The following NFIA variants were observed in gnomAD, a reference collection of about 807,000 sequenced individuals.
The protein encoded by NFIA is nuclear factor I A, also known as nuclear factor 1 A-type.
A neutral mutation model predicts 62.8 loss-of-function variants in NFIA; 8 were observed. The ratio of observed to expected loss-of-function variants is 0.13; its 90% CI spans 0.07 to 0.23. The LOEUF is 0.23. NFIA is among the 10% of genes least tolerant of loss of function. The pLI, the probability that NFIA is intolerant of heterozygous loss-of-function variation, is 1.00. For missense variants in NFIA, 410 were observed against 642.1 expected (o/e 0.64, Z 3.91); for synonymous variants, 235 against 238.1 (o/e 0.99, Z 0.12).
At chr1:61,432,690 T>C (rs2100562850) in intron 10 of NFIA, among the ~76,000 whole-genome samples, 1 of 151,442 alleles carries the variant, frequency 6.6e-6, no homozygotes, top group East Asian at 1.9e-4. Flanking sequence ...CATGTATATA[T>C]CCCACCCTGC....
At chr1:61,274,234 G>A (rs148755966) in intron 2 of NFIA, among the ~76,000 whole-genome samples, 2 of 152,202 alleles carry the variant, frequency 1.3e-5, no homozygotes, top group East Asian at 3.9e-4. Flanking sequence ...TCTTAACCTA[G>A]CCTCCCATAT....
intron 3 of NFIA, among the ~76,000 whole-genome samples, chr1:61,312,015 G>A (rs2100351064): frequency 6.6e-6 from 1 of 152,290 alleles, no homozygotes; most frequent in South Asian, 2.1e-4. Flanking sequence ...CTCTCCCGTG[G>A]CCTTTACTGG....
intron 5 of NFIA, among the ~76,000 whole-genome samples, chr1:61,353,833 A>G (rs1055124086): frequency 6.6e-6 from 1 of 152,166 alleles, no homozygotes; most frequent in Non-Finnish European, 1.5e-5. Flanking sequence ...TCAGGGGGAC[A>G]AAAAAGTCAC....
intron 2 of NFIA, among the ~76,000 whole-genome samples, chr1:61,144,770 C>T (rs1436302176): frequency 6.6e-6 from 1 of 152,188 alleles, no homozygotes; most frequent in Admixed American, 6.5e-5. Context: ...GCACAGGGTA[C>T]ATGCTCAGAG....
chr1:61,122,990 A>C (rs1228347717), intron 2 of NFIA, among the ~76,000 whole-genome samples: 1 of 152,170 alleles, frequency 6.6e-6, no homozygotes, highest in Non-Finnish European at 1.5e-5. Context: ...GGAGAGTTCT[A>C]CTTTTGGATT....
chr1:61,085,775 A>C (rs1646208538), intron 1 of NFIA, among the ~76,000 whole-genome samples: 1 of 152,166 alleles, frequency 6.6e-6, no homozygotes, highest in East Asian at 1.9e-4. Flanking sequence ...TTGGGGAGTA[A>C]TACATTGTAA....
intron 2 of NFIA, among the ~76,000 whole-genome samples, chr1:61,153,715 A>T (rs551658059): frequency 1.3e-5 from 2 of 152,206 alleles, no homozygotes; most frequent in South Asian, 4.1e-4. Context: ...CTTATTAGAC[A>T]TGTGATAGAC....
intron 7 of NFIA, among the ~76,000 whole-genome samples, chr1:61,393,607 T>A (rs1253667300): frequency 6.6e-6 from 1 of 152,078 alleles, no homozygotes; most frequent in Non-Finnish European, 1.5e-5. Flanking sequence ...CTCATTGGTG[T>A]GACCCGGCTT....
At chr1:61,327,213 T>C (rs1323081604) in intron 3 of NFIA, among the ~76,000 whole-genome samples, 1 of 150,896 alleles carries the variant, frequency 6.6e-6, no homozygotes, top group Non-Finnish European at 1.5e-5. Flanking sequence ...TAAGAAGTTC[T>C]GTCAAAGTTT....
intron 7 of NFIA, among the ~76,000 whole-genome samples, chr1:61,391,483 CACACAG>C (rs1453308993): frequency 7.0e-6 from 1 of 143,096 alleles, no homozygotes; most frequent in Non-Finnish European, 1.5e-5. Context: ...CACACACACA[CACACAG>C]GCAGTTTAGA....
intron 3 of NFIA, among the ~76,000 whole-genome samples, chr1:61,305,378 G>A (rs183812310): frequency 6.3e-4 from 96 of 152,266 alleles, no homozygotes; most frequent in Non-Finnish European, 1.2e-3. Context: ...CAGAACCTCC[G>A]TTAAACACAA....
At chr1:61,346,882 C>T (rs1662256097) in intron 4 of NFIA, among the ~76,000 whole-genome samples, 1 of 152,178 alleles carries the variant, frequency 6.6e-6, no homozygotes, top group African/African-American at 2.4e-5. Context: ...CACCTCTTCA[C>T]AGGGCAGCAG....
rs777375238 is a variant in NFIA at position 61,082,809 on chromosome 1, T to C, written c.18T>C (p.Cys6=). Residue 6 remains cysteine (C), a synonymous_variant, in exon 1 of 11, where the codon TGT becomes TGC. Transcript: ENST00000403491. MYSPL[C]LTQDEFHPFI... is the part of the protein sequence containing the mutation. ...CGGCAGTTATGTATTCTCCGCTCTG[T>C]CTCACCCAGGTAAGCCGCGGCGTGG... 10 of 1,548,074 alleles carry C rather than the reference T, an allele frequency of 6.5e-6. No homozygotes were observed. The Admixed American group carries it at 2.0e-4, about 30-fold the overall frequency.
intron 10 of NFIA, among the ~76,000 whole-genome samples, chr1:61,430,352 A>G (rs1246731625): frequency 6.6e-6 from 1 of 152,218 alleles, no homozygotes; most frequent in African/African-American, 2.4e-5. Flanking sequence ...TTAATTGTGG[A>G]AAATACAGTT....
At chr1:61,320,230 T>C (rs1660610239) in intron 3 of NFIA, among the ~76,000 whole-genome samples, 1 of 152,154 alleles carries the variant, frequency 6.6e-6, no homozygotes, top group East Asian at 1.9e-4. Context: ...TTCATTCTGT[T>C]ACATTTCACA....
intron 4 of NFIA, among the ~76,000 whole-genome samples, chr1:61,341,255 G>A (rs1327162143): frequency 6.6e-6 from 1 of 151,820 alleles, no homozygotes; most frequent in African/African-American, 2.4e-5. Context: ...AGTAGAGACG[G>A]GGTTTCACCG....
chr1:61,366,409 A>G (rs1336056239), intron 6 of NFIA, among the ~76,000 whole-genome samples: 1 of 152,224 alleles, frequency 6.6e-6, no homozygotes, highest in Non-Finnish European at 1.5e-5. Context: ...CTCCTGTAGA[A>G]AAACATTCAA....
chr1:61,414,106 C>T (rs1172658875), intron 9 of NFIA, among the ~76,000 whole-genome samples: 2 of 152,224 alleles, frequency 1.3e-5, no homozygotes, highest in Non-Finnish European at 2.9e-5. Flanking sequence ...CCTCAGCCTC[C>T]TGAGTAGCTG....
At chr1:61,269,735 GT>G (rs1165875410) in intron 2 of NFIA, among the ~76,000 whole-genome samples, 1 of 152,218 alleles carries the variant, frequency 6.6e-6, no homozygotes, top group Non-Finnish European at 1.5e-5. Flanking sequence ...GTGAGCACAT[GT>G]TTAGGACTCA....
Sources: gnomAD v4.1 joint callset for allele counts (sites outside exome capture counted in the v4.1 genomes callset) on GRCh38, gnomAD v4.1.1 for gene constraint, MANE v1.5 for transcripts, NCBI Gene and HGNC (gene_info 2026-07-23, HGNC 2026-07-21) for gene names.